The following TYW1 variants were observed in gnomAD, a reference collection of about 807,000 sequenced individuals.
The protein encoded by TYW1 is S-adenosyl-L-methionine-dependent tRNA 4-demethylwyosine synthase TYW1.
A neutral mutation model predicts 96.2 loss-of-function variants in TYW1; 46 were observed. That is an observed-to-expected ratio of 0.48 (90% confidence interval 0.38 to 0.61). TYW1 has a LOEUF of 0.61. Among genes scored for constraint, TYW1 ranks in the 20% least tolerant of loss-of-function variants. The pLI, the probability that TYW1 is intolerant of heterozygous loss-of-function variation, is 0.00. For missense variants in TYW1, 684 were observed against 909.6 expected (o/e 0.75, Z 3.19); for synonymous variants, 274 against 323.0 (o/e 0.85, Z 1.63).
intron 12 of TYW1, among the ~76,000 whole-genome samples, chr7:67,104,879 C>T (rs1199677056): frequency 6.6e-6 from 1 of 152,236 alleles, no homozygotes; most frequent in Non-Finnish European, 1.5e-5. Context: ...TCTTTTGCTG[C>T]AACCACCCAC....
chr7:67,068,654 T>C (rs1275034294), intron 10 of TYW1, among the ~76,000 whole-genome samples: 4 of 152,214 alleles, frequency 2.6e-5, no homozygotes, highest in African/African-American at 9.7e-5. Flanking sequence ...TGTGTTATGA[T>C]GGTAGGAGAA....
At chr7:67,193,804 TTGTC>T (rs1289166744) in intron 14 of TYW1, among the ~76,000 whole-genome samples, 1 of 136,820 alleles carries the variant, frequency 7.3e-6, no homozygotes, top group Non-Finnish European at 1.6e-5. Context: ...ATTCTCCAGT[TTGTC>T]TGTGGTGTGT....
At chr7:67,035,596 G>C (rs556891768) in intron 7 of TYW1, among the ~76,000 whole-genome samples, 1 of 152,104 alleles carries the variant, frequency 6.6e-6, no homozygotes, top group Non-Finnish European at 1.5e-5. Context: ...ATACTCAAGG[G>C]TATAGTTCAT....
intron 13 of TYW1, among the ~76,000 whole-genome samples, chr7:67,166,403 A>G (rs1462272473): frequency 6.7e-6 from 1 of 148,668 alleles, no homozygotes; most frequent in Non-Finnish European, 1.5e-5. Context: ...ATTGGAGTAT[A>G]CCATACACAC....
At chr7:67,202,481 C>T (rs1800633932) in intron 15 of TYW1, among the ~76,000 whole-genome samples, 1 of 152,180 alleles carries the variant, frequency 6.6e-6, no homozygotes, top group African/African-American at 2.4e-5. Context: ...ATTGCAACCT[C>T]AACCTCCCAG....
intron 10 of TYW1, among the ~76,000 whole-genome samples, chr7:67,073,843 G>A (rs1584528269): frequency 6.6e-6 from 1 of 150,926 alleles, no homozygotes; most frequent in South Asian, 2.1e-4. Flanking sequence ...AGCACTTCGG[G>A]AGGCTGAGGC....
rs139657109 is a variant in TYW1 at position 67,205,221 on chromosome 7, C to T, written c.1977+9884C>T. 1.0e-2 allele frequency among the ~76,000 whole-genome samples: 1,512 copies of T among 151,758 alleles called. 15 individuals are homozygous for T. The highest frequency in any genetic ancestry group is 0.033 in the African/African-American group (1,376 of 41,312). On this transcript the variant is annotated intron_variant, in intron 15 of 15. Transcript: ENST00000359626. ...GGGAGAGGTAAAAGTCCATTTCCCCCCTCAGCTTCTATTGACCTATTGTAG... is the reference window on the plus strand; with the variant it reads ...GGGAGAGGTAAAAGTCCATTTCCCCTCTCAGCTTCTATTGACCTATTGTAG...
intron 5 of TYW1, among the ~76,000 whole-genome samples, chr7:67,015,176 G>T (rs2129241809): frequency 6.6e-6 from 1 of 151,718 alleles, no homozygotes; most frequent in East Asian, 1.9e-4. Context: ...TAATTTTTTT[G>T]CATTTTTAGT....
intron 13 of TYW1, among the ~76,000 whole-genome samples, chr7:67,142,975 C>T (rs1031269559): frequency 4.0e-5 from 6 of 151,516 alleles, no homozygotes; most frequent in Admixed American, 2.0e-4. Context: ...ATCTCTTGAA[C>T]CCGGGGGGCG....
chr7:67,070,536 C>T (rs1194420589), intron 10 of TYW1, among the ~76,000 whole-genome samples: 1 of 152,066 alleles, frequency 6.6e-6, no homozygotes, highest in African/African-American at 2.4e-5. Flanking sequence ...TCTGTTGAAA[C>T]CCTCTAGTGA....
At chr7:67,033,665 C>G (rs1236966008) in intron 7 of TYW1, among the ~76,000 whole-genome samples, 1 of 151,566 alleles carries the variant, frequency 6.6e-6, no homozygotes, top group Non-Finnish European at 1.5e-5. Flanking sequence ...CCTCCATGCT[C>G]TCTACTCTTT....
At chr7:67,084,714 C>T (rs1464716795) in intron 11 of TYW1, among the ~76,000 whole-genome samples, 1 of 152,004 alleles carries the variant, frequency 6.6e-6, no homozygotes, top group Non-Finnish European at 1.5e-5. Context: ...GGGGTCTAGC[C>T]ATGTTGTCCA....
intron 9 of TYW1, among the ~76,000 whole-genome samples, chr7:67,066,880 C>T (rs1203327692): frequency 6.6e-6 from 1 of 152,184 alleles, no homozygotes; most frequent in Non-Finnish European, 1.5e-5. Context: ...CTCCAGGATG[C>T]ATTCCCTTAC....
chr7:67,067,531 G>A (rs961701703), intron 10 of TYW1, 128 bp downstream of exon 10: 43 of 1,098,726 alleles, frequency 3.9e-5, no homozygotes, highest in Admixed American at 1.4e-4. Context: ...AACTGTGAAT[G>A]TTAGTGTATA....
intron 12 of TYW1, among the ~76,000 whole-genome samples, chr7:67,111,490 C>A (rs62468381): frequency 0.04 from 6,087 of 152,246 alleles, 178 homozygotes; most frequent in Middle Eastern, 0.1. Flanking sequence ...CGTGAGCCAA[C>A]ACACCTGGCC....
At chr7:67,161,138 G>A (rs1460011542) in intron 13 of TYW1, among the ~76,000 whole-genome samples, 2 of 152,148 alleles carry the variant, frequency 1.3e-5, no homozygotes, top group East Asian at 3.9e-4. Flanking sequence ...TTTATAGTAA[G>A]CCTTGTTTTC....
At chr7:67,140,745 T>A (rs1310926207) in intron 13 of TYW1, among the ~76,000 whole-genome samples, 1 of 152,220 alleles carries the variant, frequency 6.6e-6, no homozygotes, top group Non-Finnish European at 1.5e-5. Context: ...ACAGTTCATA[T>A]CTAGTAATTT....
chr7:67,048,089 C>CGTGCTAAAATTTTTAATCTGTTTTAT (rs57594073), intron 7 of TYW1, among the ~76,000 whole-genome samples: 1 of 78,364 alleles, frequency 1.3e-5, no homozygotes, highest in Non-Finnish European at 2.4e-5. Context: ...TGCCCAGCCA[C>CGTGCTAAAATTTTTAATCTGTTTTAT]ATATGGGGGA....
chr7:67,172,782 C>T (rs1450986710), intron 13 of TYW1, among the ~76,000 whole-genome samples: 1 of 152,084 alleles, frequency 6.6e-6, no homozygotes, highest in African/African-American at 2.4e-5. Context: ...CAGATTTTCT[C>T]TTCAGTCTTT....
Sources: gnomAD v4.1 joint callset for allele counts (sites outside exome capture counted in the v4.1 genomes callset) on GRCh38, gnomAD v4.1.1 for gene constraint, MANE v1.5 for transcripts, NCBI Gene and HGNC (gene_info 2026-07-23, HGNC 2026-07-21) for gene names.